TSEN15: variants seen among roughly 807,000 people sequenced by gnomAD.
The protein encoded by TSEN15 is tRNA-splicing endonuclease subunit Sen15.
A neutral mutation model predicts 20.5 loss-of-function variants in TSEN15; 10 were observed. That is an observed-to-expected ratio of 0.49 (90% confidence interval 0.30 to 0.83). The LOEUF (loss-of-function observed/expected upper bound fraction) is 0.83, where lower values mean the gene tolerates loss of function less well. Among genes scored for constraint, TSEN15 ranks in the 40% least tolerant of loss-of-function variants. The pLI is 0.06. For synonymous variants in TSEN15, 72 were observed against 80.1 expected, an observed-to-expected ratio of 0.90 and a Z score of 0.54; for missense variants, 180 against 218.6, an observed-to-expected ratio of 0.82 and a Z score of 1.11.
chr1:184,077,131 T>C (rs537587278), downstream of TSEN15, among the ~76,000 whole-genome samples: 1 of 152,216 alleles, frequency 6.6e-6, no homozygotes, highest in South Asian at 2.1e-4. Context: ...ATGTCTGGCT[T>C]CAAAGCTTCA....
intron 3 of TSEN15, among the ~76,000 whole-genome samples, chr1:184,091,307 C>A (rs546996091): frequency 2.6e-5 from 4 of 151,972 alleles, no homozygotes; most frequent in East Asian, 1.9e-4. Flanking sequence ...CCTCTCTGAG[C>A]CCCAGAATAT....
intron 3 of TSEN15, among the ~76,000 whole-genome samples, chr1:184,063,309 T>G (rs762372702): frequency 7.9e-5 from 12 of 152,298 alleles, no homozygotes; most frequent in South Asian, 4.1e-4. Context: ...ATATACCAAA[T>G]TGCTCCTTTG....
intron 3 of TSEN15, among the ~76,000 whole-genome samples, chr1:184,067,978 ATG>A (rs1426925424): frequency 5.6e-4 from 81 of 144,066 alleles, no homozygotes; most frequent in South Asian, 1.8e-3. Flanking sequence ...ATATGTACAT[ATG>A]TATGTATCTG....
At chr1:184,087,000 A>G (rs1331962257) in intron 3 of TSEN15, among the ~76,000 whole-genome samples, 1 of 152,142 alleles carries the variant, frequency 6.6e-6, no homozygotes, top group Non-Finnish European at 1.5e-5. Flanking sequence ...AGGCCATTTT[A>G]ATTTTCACTT....
intron 3 of TSEN15, among the ~76,000 whole-genome samples, chr1:184,092,307 T>C (rs1047163279): frequency 2.6e-5 from 4 of 152,212 alleles, no homozygotes; most frequent in African/African-American, 9.6e-5. Context: ...TTGAGCAACA[T>C]AGGTCCATTT....
In TSEN15 at chr1:184,067,425, A is replaced by G. The variant is rs575142838; in HGVS notation, c.354-4732A>G. On this transcript the variant is annotated intron_variant, in intron 3 of 4. Coordinates refer to ENST00000645668, the MANE Select transcript of TSEN15 (RefSeq NM_052965.4). ...AGAAAGTAAGTTCCCTGAAAGTGAG[A>G]ACTTGGTTTTGTTTATTGGTATATC... is the stretch of plus-strand genomic sequence containing the variant. Among the ~76,000 whole-genome samples, 109 of 152,202 alleles carry G rather than the reference A, an allele frequency of 7.2e-4. 3 individuals are homozygous for G. The South Asian group carries it at 0.022, about 31-fold the overall frequency.
chr1:184,054,457 T>C, intron 2 of TSEN15, 22 bp downstream of exon 2: 1 of 1,561,848 alleles, frequency 6.4e-7, no homozygotes, highest in Non-Finnish European at 8.8e-7. Flanking sequence ...GTTTATATTG[T>C]TTTGTTATTG....
At chr1:184,066,220 A>G (rs776772508) in intron 3 of TSEN15, among the ~76,000 whole-genome samples, 1 of 150,270 alleles carries the variant, frequency 6.7e-6, no homozygotes, top group Non-Finnish European at 1.5e-5. Context: ...CTCTAACACC[A>G]TTTGTTGAAA....
chr1:184,096,018 C>T (rs550250459), exon 4 of TSEN15: 1 of 320,044 alleles, frequency 3.1e-6, no homozygotes, highest in Admixed American at 4.9e-5. Flanking sequence ...AAAACACCCA[C>T]CCTTCTGGGG....
intron 3 of TSEN15, among the ~76,000 whole-genome samples, chr1:184,079,755 A>G (rs1415369159): frequency 1.3e-5 from 2 of 152,094 alleles, no homozygotes; most frequent in Non-Finnish European, 2.9e-5. Flanking sequence ...GGATTTCAAT[A>G]TATGAATTTG....
Position 184,059,329 on chromosome 1 carries a change from G to A in TSEN15, c.353+4466G>A, listed in dbSNP as rs189526814. On this transcript the variant is annotated intron_variant, in intron 3 of 4. Coordinates refer to ENST00000645668, the MANE Select transcript of TSEN15 (RefSeq NM_052965.4). ...GCCTACCTAGCATGGTGTCTAGTCA[G>A]AGTAGGTGTCTAGTAATATTCCTTA... 1.7e-3 allele frequency among the ~76,000 whole-genome samples: 254 copies of A among 152,242 alleles called. 1 individual carries two copies. The highest frequency in any genetic ancestry group is 3.1e-3 in the Non-Finnish European group (211 of 67,998).
Position 184,055,199 on chromosome 1 carries a change from G to GAGCAGGCACATCATATGGCAAA in TSEN15, c.353+343_353+364dup. ...ATCATGGAGGAAGTTCGTGAAGCAA[G>GAGCAGGCACATCATATGGCAAA]AGCAGGCACATCATATGGCAAAAGC... On this transcript the variant is annotated intron_variant, in intron 3 of 4. Coordinates refer to ENST00000645668, the MANE Select transcript of TSEN15 (RefSeq NM_052965.4). 4 of 191,518 alleles carry GAGCAGGCACATCATATGGCAAA rather than the reference G, an allele frequency of 2.1e-5. No homozygotes were observed. In the East Asian group the frequency reaches 5.1e-4, roughly 25 times the overall value. 11.9% of individuals were successfully genotyped at this position (191,518 alleles called of 1,614,324 possible).
In TSEN15 at chr1:184,066,181, T is replaced by C. The variant is rs185305685; in HGVS notation, c.354-5976T>C. Among the ~76,000 whole-genome samples, 415 of 152,278 alleles carry C rather than the reference T, an allele frequency of 2.7e-3. 4 individuals carry two copies. The highest frequency in any genetic ancestry group is 9.7e-3 in the African/African-American group (402 of 41,556). ...GAAGGATATAAGGTCAGTGTTTAGATTGATTTTTTCCAGGTGAATATCCAG... is the reference window on the plus strand; with the variant it reads ...GAAGGATATAAGGTCAGTGTTTAGACTGATTTTTTCCAGGTGAATATCCAG... On this transcript the variant is annotated intron_variant, in intron 3 of 4. Coordinates refer to ENST00000645668, the MANE Select transcript of TSEN15 (RefSeq NM_052965.4).
At chr1:184,095,345 G>A in intron 3 of TSEN15, 1 of 388,148 alleles carries the variant, frequency 2.6e-6, no homozygotes. Context: ...GCAAATTAAT[G>A]AGCTCTCTGT....
At position 184,073,518 on chromosome 1, in the gene TSEN15, A is replaced by G. The variant is rs1650974919; in HGVS notation, c.*671A>G. On this transcript the variant is annotated 3_prime_UTR_variant, in exon 5 of 5. Coordinates refer to ENST00000645668, the MANE Select transcript of TSEN15 (RefSeq NM_052965.4). ...GGGCTATCCTTTTCATTCTTATCACATATCATAGCTTGAATATTACAACAG... is the reference window on the plus strand; with the variant it reads ...GGGCTATCCTTTTCATTCTTATCACGTATCATAGCTTGAATATTACAACAG... 1 of 152,610 alleles carries G rather than the reference A, an allele frequency of 6.6e-6. No homozygotes were observed. Among genetic ancestry groups the G allele is most frequent in the African/African-American group, 2.4e-5 (1 of 41,450 alleles). 9.5% of individuals were successfully genotyped at this position (152,610 alleles called of 1,614,324 possible). A position where few individuals can be genotyped will look rare whatever the true frequency, so the allele number is the denominator to read the frequency against.
chr1:184,081,510 A>G (rs1231760143), intron 3 of TSEN15, among the ~76,000 whole-genome samples: 1 of 152,164 alleles, frequency 6.6e-6, no homozygotes, highest in Non-Finnish European at 1.5e-5. Context: ...CTACCTCAAG[A>G]AAGAGGGGAA....
At chr1:184,097,010 A>C (rs760633464) in exon 4 of TSEN15, 2 of 152,224 alleles carry the variant, frequency 1.3e-5, no homozygotes, top group Non-Finnish European at 2.9e-5. Flanking sequence ...TGTGGGCTGC[A>C]GACTCTTGCA....
chr1:184,093,380 C>T (rs1340621855), intron 3 of TSEN15, among the ~76,000 whole-genome samples: 2 of 152,092 alleles, frequency 1.3e-5, no homozygotes, highest in African/African-American at 4.8e-5. Context: ...TGACAGAACC[C>T]AATTGGATCT....
intron 3 of TSEN15, among the ~76,000 whole-genome samples, chr1:184,056,742 C>A (rs1475703192): frequency 6.6e-6 from 1 of 152,134 alleles, no homozygotes; most frequent in Non-Finnish European, 1.5e-5. Context: ...AATAGTCCCT[C>A]CTTTCCTCAC....
Sources: allele counts gnomAD v4.1 joint callset (sites outside exome capture counted in the v4.1 genomes callset), GRCh38; gene constraint gnomAD v4.1.1; transcripts MANE v1.5; gene names NCBI Gene and HGNC (gene_info 2026-07-23, HGNC 2026-07-21).